The following OR8J1 variants were observed in gnomAD, a reference collection of about 807,000 sequenced individuals.
OR8J1 encodes the protein olfactory receptor 8J1.
For synonymous variants in OR8J1, 157 were observed against 144.3 expected (o/e 1.09, Z -0.63); for missense variants, 400 against 373.0 (o/e 1.07, Z -0.60).
Position 56,360,256 on chromosome 11 carries a change from G to A in OR8J1, c.10G>A (p.Glu4Lys). ...ATTTCCAAACTCTGACATGGCTCCTGAAAATTTCACCAGAGTCACTGAGTT... is the reference window on the plus strand; with the variant it reads ...ATTTCCAAACTCTGACATGGCTCCTAAAAATTTCACCAGAGTCACTGAGTT... MAP[E>K]NFTRVTEFIL... The change falls in exon 2 of 2, where the codon GAA becomes AAA. Residue 4 changes from glutamate to lysine, a missense_variant. Glu to Lys is a moderately conservative substitution (Grantham distance 56). Coordinates refer to ENST00000533152, the MANE Select transcript of OR8J1 (RefSeq NM_001005205.3). 2 of 1,564,744 alleles carry A rather than the reference G, an allele frequency of 1.3e-6. No homozygotes were observed. Among genetic ancestry groups the A allele is most frequent in the Non-Finnish European group, 1.7e-6 (2 of 1,160,634 alleles).
Position 56,361,004 on chromosome 11 carries a change from G to T in OR8J1, c.758G>T (p.Gly253Val). ...SHMMAVTIFYGTLLFMYVQPR... is the reference protein window; with the variant it reads ...SHMMAVTIFYVTLLFMYVQPR... ...ATGATGGCAGTCACAATTTTTTATG[G>T]GACATTGCTATTCATGTATGTGCAG... The change falls in exon 2 of 2, where the codon GGG becomes GTG. Residue 253 changes from glycine to valine, a missense_variant. Transcript: ENST00000533152. 1.4e-6 allele frequency: 2 copies of T among 1,477,952 alleles called. No homozygotes were observed. Among genetic ancestry groups the T allele is most frequent in the Non-Finnish European group, 8.9e-7 (1 of 1,119,278 alleles). The allele number at this position is 1,477,952 out of a possible 1,614,324, so 91.6% of individuals were successfully genotyped here.
At chr11:56,360,168 T>G in intron 1 of OR8J1, 59 bp from the exon 2 acceptor site, 1 of 1,134,480 alleles carries the variant, frequency 8.8e-7, no homozygotes, top group Non-Finnish European at 1.3e-6. Flanking sequence ...CCTAGCCATA[T>G]AAGGGCAGTC....
At chr11:56,357,504 A>G (rs1854985272) in intron 1 of OR8J1, 1 of 853,038 alleles carries the variant, frequency 1.2e-6, no homozygotes, top group Non-Finnish European at 2.0e-6. Context: ...CAGATATATC[A>G]TTTGTCAGAT....
intron 1 of OR8J1, among the ~76,000 whole-genome samples, chr11:56,359,513 C>A (rs868159304): frequency 3.3e-5 from 5 of 151,626 alleles, no homozygotes; most frequent in Non-Finnish European, 7.4e-5. Context: ...ACAGAACCAA[C>A]AAAAAGACAT....
At position 56,360,743 on chromosome 11, in the gene OR8J1, T is replaced by G; in HGVS notation, c.497T>G (p.Val166Gly). Residue 166 changes from valine (V) to glycine (G), a missense_variant, in exon 2 of 2, where the codon GTG becomes GGG. Coordinates refer to ENST00000533152, the MANE Select transcript of OR8J1 (RefSeq NM_001005205.3). ...AIVVSSYVFSVSYCSSNIINH... is the reference protein window; with the variant it reads ...AIVVSSYVFSGSYCSSNIINH... ...GTGGTTTCATCTTATGTATTCTCTGTGTCTTATTGCTCTTCTAATATAATC... is the reference window on the plus strand; with the variant it reads ...GTGGTTTCATCTTATGTATTCTCTGGGTCTTATTGCTCTTCTAATATAATC... 1.2e-6 allele frequency: 2 copies of G among 1,606,522 alleles called. No homozygotes were observed. The highest frequency in any genetic ancestry group is 1.7e-5 in the Admixed American group (1 of 57,806).
At chr11:56,356,716 T>C (rs1311750720) in intron 1 of OR8J1, among the ~76,000 whole-genome samples, 3 of 152,132 alleles carry the variant, frequency 2.0e-5, no homozygotes, top group South Asian at 2.1e-4. Flanking sequence ...AATCTTGACA[T>C]ATGAAAAAAA....
At chr11:56,355,267 A>T (rs1854952019) in intron 1 of OR8J1, among the ~76,000 whole-genome samples, 1 of 141,642 alleles carries the variant, frequency 7.1e-6, no homozygotes, top group Non-Finnish European at 1.5e-5. Flanking sequence ...TAGGGAATAA[A>T]TATATATATA....
chr11:56,357,690 G>A (rs1243849100), intron 1 of OR8J1: 11 of 1,584,632 alleles, frequency 6.9e-6, no homozygotes, highest in Admixed American at 3.3e-5. Context: ...TGAAGGCCAA[G>A]TGGAGGCGAC....
At position 56,360,947 on chromosome 11, in the gene OR8J1, G is replaced by T; in HGVS notation, c.701G>T (p.Arg234Met). Residue 234 changes from arginine (R) to methionine (M), a missense_variant, in exon 2 of 2, where the codon AGG (arginine) becomes ATG (methionine). Coordinates refer to ENST00000533152, the MANE Select transcript of OR8J1 (RefSeq NM_001005205.3). ...TTAAAAATATGTTCATCAGAAGGAA[G>T]GAAAAAAGCCTTTTCTACCTGTGCT... ...SILKICSSEG[R>M]KKAFSTCASH... is the part of the protein sequence containing the mutation. The T allele has an allele frequency of 6.8e-7, 1 of 1,473,526 alleles. No homozygotes were observed. The allele number at this position is 1,473,526 out of a possible 1,614,324, so 91.3% of individuals were successfully genotyped here.
chr11:56,361,066 A>G lies in OR8J1; in HGVS notation c.820A>G (p.Met274Val), dbSNP rs777219973. 48 of 1,512,432 alleles carry G rather than the reference A, an allele frequency of 3.2e-5. No individual in the cohort carries two copies. Among genetic ancestry groups the G allele is most frequent in the Admixed American group, 1.2e-4 (5 of 42,394 alleles). 93.7% of individuals were successfully genotyped at this position (1,512,432 alleles called of 1,614,324 possible). A position where few individuals can be genotyped will look rare whatever the true frequency, so the allele number is the denominator to read the frequency against. ...SNHSLDTDDK[M>V]ASVFYTLVIP... The stretch of plus-strand genomic sequence containing the variant: ...CCATTCACTGGATACTGATGATAAG[A>G]TGGCTTCTGTGTTTTACACGTTGGT... The change falls in exon 2 of 2, where the codon ATG becomes GTG. Residue 274 changes from methionine to valine, a missense_variant. Met to Val is a conservative substitution (Grantham distance 21). Coordinates refer to ENST00000533152, the MANE Select transcript of OR8J1 (RefSeq NM_001005205.3).
rs1319215783 is a variant in OR8J1, at chr11:56,354,739, T to C, written c.-21+414T>C. On this transcript the variant is annotated intron_variant, in intron 1 of 1. Transcript: ENST00000533152. ...CCCAAAGTCAAAATGATGCCCCTTT[T>C]TGAGAATACAAGTTTAGAATGCAAG... Among the ~76,000 whole-genome samples the C allele has an allele frequency of 3.3e-5, 5 of 152,220 alleles. No homozygotes were observed. In the South Asian group the frequency reaches 1.0e-3, roughly 31 times the overall value.
chr11:56,360,378 C>A lies in OR8J1; in HGVS notation c.132C>A (p.Gly44=). 2 of 1,614,124 alleles carry A rather than the reference C, an allele frequency of 1.2e-6. No homozygotes were observed. The highest frequency in any genetic ancestry group is 1.7e-6 in the Non-Finnish European group (2 of 1,180,012). Residue 44 remains glycine (G), a synonymous_variant, in exon 2 of 2, where the codon GGC becomes GGA. Coordinates refer to ENST00000533152, the MANE Select transcript of OR8J1 (RefSeq NM_001005205.3). ...LYGLTMAGNL[G]IITLTSVDSR... ...GGCTGACCATGGCAGGGAACCTGGG[C>A]ATCATCACCCTCACCAGTGTTGACT...
chr11:56,359,881 C>G (rs1241520555), intron 1 of OR8J1, among the ~76,000 whole-genome samples: 2 of 152,130 alleles, frequency 1.3e-5, no homozygotes, highest in African/African-American at 4.8e-5. Context: ...TGACCTCAAG[C>G]CTTTCTCATG....
chr11:56,360,199 T>G, intron 1 of OR8J1, 28 bp from the exon 2 acceptor site: 1 of 1,465,824 alleles, frequency 6.8e-7, no homozygotes, highest in Non-Finnish European at 9.2e-7. Flanking sequence ...TTCTTTAAAG[T>G]TTTTAACCTC....
At chr11:56,355,067 G>A (rs559919799) in intron 1 of OR8J1, among the ~76,000 whole-genome samples, 2 of 151,902 alleles carry the variant, frequency 1.3e-5, no homozygotes, top group Admixed American at 6.6e-5. Context: ...ATTATCAAGA[G>A]GAATATAGAA....
chr11:56,357,836 G>A, intron 1 of OR8J1: 1 of 993,070 alleles, frequency 1.0e-6, no homozygotes, highest in Non-Finnish European at 1.6e-6. Flanking sequence ...TTGGAGGCTT[G>A]TCTATCCCTC....
At position 56,360,509 on chromosome 11, in the gene OR8J1, A is replaced by G. The variant is rs1336207024; in HGVS notation, c.263A>G (p.Lys88Arg). 6.2e-7 allele frequency: 1 copy of G among 1,614,168 alleles called. No homozygotes were observed. Among genetic ancestry groups the G allele is most frequent in the South Asian group, 1.1e-5 (1 of 91,086 alleles). ...AAAATGCTGATTAACTTTTTAGTAA[A>G]GAAGAAAACTACCTCATTCTATGAA... ...APKMLINFLV[K>R]KKTTSFYECA... The change falls in exon 2 of 2, where the codon AAG becomes AGG. Residue 88 changes from lysine to arginine, a missense_variant. Physicochemically the swap from Lys to Arg is conservative, Grantham distance 26 (BLOSUM62 2). Coordinates refer to ENST00000533152, the MANE Select transcript of OR8J1 (RefSeq NM_001005205.3).
chr11:56,359,792 A>G (rs938989768), intron 1 of OR8J1, among the ~76,000 whole-genome samples: 10 of 152,190 alleles, frequency 6.6e-5, no homozygotes, highest in African/African-American at 1.9e-4. Flanking sequence ...ATGGGTTAGG[A>G]TAGTACCTAG....
rs62001034 is a variant in OR8J1 at position 56,360,495 on chromosome 11, T to C, written c.249T>C (p.Ile83=). The change falls in exon 2 of 2, where the codon ATT becomes ATC. Residue 83 remains isoleucine, a synonymous_variant. Coordinates refer to ENST00000533152, the MANE Select transcript of OR8J1 (RefSeq NM_001005205.3). The part of the protein sequence containing the change: ...NSTVIAPKML[I]NFLVKKKTTS... ...CTGTCATTGCCCCTAAAATGCTGAT[T>C]AACTTTTTAGTAAAGAAGAAAACTA... 6.2e-7 allele frequency: 1 copy of C among 1,614,156 alleles called. No homozygotes were observed. Among genetic ancestry groups the C allele is most frequent in the Admixed American group, 1.7e-5 (1 of 60,008 alleles).
Sources: allele counts gnomAD v4.1 joint callset (sites outside exome capture counted in the v4.1 genomes callset), GRCh38; gene constraint gnomAD v4.1.1; transcripts MANE v1.5; gene names NCBI Gene and HGNC (gene_info 2026-07-23, HGNC 2026-07-21).